Variants in CCDC66 observed in about 807,000 individuals in gnomAD.
CCDC66 encodes coiled-coil domain-containing protein 66.
A neutral mutation model predicts 128.3 loss-of-function variants in CCDC66; 133 were observed. That is an observed-to-expected ratio of 1.04 (90% CI 0.90 to 1.20). CCDC66 has a LOEUF of 1.20. Among genes scored for constraint, CCDC66 ranks in the 50% most tolerant of loss-of-function variants. The probability of loss-of-function intolerance (pLI) is 0.00; values close to 1 mark genes in which losing one functional copy is unlikely to be tolerated. For missense variants in CCDC66, 1,126 were observed against 1,075.5 expected (o/e 1.05, Z -0.66); for synonymous variants, 387 against 357.0 (o/e 1.08, Z -0.95).
At chr3:56,616,290 A>G in intron 13 of CCDC66, 1 of 385,976 alleles carries the variant, frequency 2.6e-6, no homozygotes, top group Non-Finnish European at 4.6e-6. Context: ...TCAATTCTAA[A>G]ACATTTTGAT....
At chr3:56,565,228 T>G (rs972042447) in intron 4 of CCDC66, 4 of 233,192 alleles carry the variant, frequency 1.7e-5, no homozygotes, top group Non-Finnish European at 3.7e-5. Context: ...ATCAAGATAT[T>G]TGTATTCCCC....
chr3:56,561,666 C>A (rs1194289715), intron 3 of CCDC66, among the ~76,000 whole-genome samples: 1 of 152,146 alleles, frequency 6.6e-6, no homozygotes, highest in Non-Finnish European at 1.5e-5. Flanking sequence ...CAGAGATCCT[C>A]CTCATTTCTT....
chr3:56,593,798 G>A, intron 9 of CCDC66, 57 bp downstream of exon 9: 1 of 1,595,302 alleles, frequency 6.3e-7, no homozygotes. Context: ...GCTTTAGTAA[G>A]ACTGTTGTTA....
chr3:56,573,697 C>G (rs2066941075), intron 7 of CCDC66, among the ~76,000 whole-genome samples: 2 of 151,938 alleles, frequency 1.3e-5, no homozygotes, highest in South Asian at 2.1e-4. Flanking sequence ...CTGACATCTT[C>G]TGAAGGGCTG....
In CCDC66 at chr3:56,576,787, T is replaced by C. The variant is rs2067452821; in HGVS notation, c.936+5485T>C. ...TGCATGGTGTATATGTGCATAGTAT[T>C]CCATGGTGTATGTGTATTAATCCAG... On this transcript the variant is annotated intron_variant, in intron 7 of 17. Coordinates refer to ENST00000394672, the MANE Select transcript of CCDC66 (RefSeq NM_001141947.3). Among the ~76,000 whole-genome samples the C allele has an allele frequency of 2.0e-5, 3 of 151,682 alleles. No homozygotes were observed. In the South Asian group the frequency reaches 6.2e-4, roughly 32 times the overall value.
Position 56,606,883 on chromosome 3 carries a change from A to G in CCDC66, c.1405-6706A>G, listed in dbSNP as rs150111815. On this transcript the variant is annotated intron_variant, in intron 10 of 17. Coordinates refer to ENST00000394672, the MANE Select transcript of CCDC66 (RefSeq NM_001141947.3). Reference sequence around the variant, plus strand: ...GTGGCTAGCCAATTATTCCAACACCATTTGTTGAAAAGGGTGTCCTTTCCC... The same window carrying G: ...GTGGCTAGCCAATTATTCCAACACCGTTTGTTGAAAAGGGTGTCCTTTCCC... Among the ~76,000 whole-genome samples, 152 of 151,364 alleles carry G rather than the reference A, an allele frequency of 1.0e-3. 5 individuals are homozygous for G. The highest frequency in any genetic ancestry group is 3.6e-3 in the African/African-American group (145 of 40,786).
chr3:56,567,264 C>T (rs1022456905), intron 6 of CCDC66, among the ~76,000 whole-genome samples: 1 of 152,142 alleles, frequency 6.6e-6, no homozygotes, highest in Non-Finnish European at 1.5e-5. Flanking sequence ...GTGGTGCACG[C>T]CTGTAATCCC....
chr3:56,619,279 C>G lies in CCDC66; in HGVS notation c.2387C>G (p.Ser796Ter), dbSNP rs753126773. The G allele has an allele frequency of 2.3e-5, 37 of 1,591,922 alleles. No homozygotes were observed. The highest frequency in any genetic ancestry group is 2.6e-5 in the Non-Finnish European group (31 of 1,171,192). ...IHSFSKERSP[S>*]SPVPVVKNRT... ...ATTTTTTTTTTAAATAGGTCTCCAT[C>G]ATCACCAGTTCCAGTAGTGAAAAAC... Residue 796 changes from serine to a stop codon, truncating the protein, a stop_gained, in exon 16 of 18, where the codon TCA (serine) becomes TGA (stop). Transcript: ENST00000394672. LOFTEE classifies it high-confidence loss of function.
chr3:56,621,412 G>C, intron 17 of CCDC66, 120 bp from the exon 18 acceptor site: 1 of 652,108 alleles, frequency 1.5e-6, no homozygotes, highest in Non-Finnish European at 2.5e-6. Flanking sequence ...AAAAATTTTT[G>C]AATGACAAAA....
At chr3:56,561,737 GT>G (rs1399532282) in intron 3 of CCDC66, among the ~76,000 whole-genome samples, 1 of 151,684 alleles carries the variant, frequency 6.6e-6, no homozygotes, top group Non-Finnish European at 1.5e-5. Context: ...TTTTTGTTTT[GT>G]TTTTTAGTTT....
chr3:56,614,455 T>C (rs2075249635), intron 11 of CCDC66, among the ~76,000 whole-genome samples: 2 of 152,192 alleles, frequency 1.3e-5, no homozygotes, highest in South Asian at 2.1e-4. Context: ...TTGGCTGGGA[T>C]TGATGATACA....
chr3:56,615,701 G>T (rs1297575909), intron 12 of CCDC66, among the ~76,000 whole-genome samples: 1 of 151,962 alleles, frequency 6.6e-6, no homozygotes, highest in Non-Finnish European at 1.5e-5. Flanking sequence ...TAAAATAATA[G>T]GTAAAATGTG....
Position 56,595,741 on chromosome 3 carries a change from C to T in CCDC66, c.1404+1713C>T, listed in dbSNP as rs1235128677. On this transcript the variant is annotated intron_variant, in intron 10 of 17. Coordinates refer to ENST00000394672, the MANE Select transcript of CCDC66 (RefSeq NM_001141947.3). ...GATTTCATGTTCTTTCGATAAATAT[C>T]CAGTACTGGGAATGCTGGATCATAT... Among the ~76,000 whole-genome samples the T allele has an allele frequency of 3.9e-5, 6 of 152,180 alleles. No individual in the cohort carries two copies. In the East Asian group the frequency reaches 1.2e-3, roughly 29 times the overall value.
In CCDC66 at chr3:56,560,380, T is replaced by TA. The variant is rs1236213374; in HGVS notation, c.102+787dup. 2.0e-5 allele frequency among the ~76,000 whole-genome samples: 3 copies of TA among 152,324 alleles called. No homozygotes were observed. In the East Asian group the frequency reaches 5.8e-4, roughly 29 times the overall value. ...GCCACCATGCCCAGCTAATTTTTTT[T>TA]ATTTTTAGTAGAGATGGGATCTCAC... On this transcript the variant is annotated intron_variant, in intron 3 of 17. Transcript: ENST00000394672.
chr3:56,582,498 T>C (rs2068574917), intron 7 of CCDC66, among the ~76,000 whole-genome samples: 1 of 152,024 alleles, frequency 6.6e-6, no homozygotes, highest in South Asian at 2.1e-4. Flanking sequence ...AGCTGCAGAC[T>C]GGAGCTGTTG....
In CCDC66 at chr3:56,601,923, A is replaced by G. The variant is rs374201688; in HGVS notation, c.1404+7895A>G. On this transcript the variant is annotated intron_variant, in intron 10 of 17. Transcript: ENST00000394672. ...AATCATGTCATCTGCAAACAGAGAC[A>G]ACTTAACTTCCTCTTTTCCTATTTG... Among the ~76,000 whole-genome samples, 3 of 152,110 alleles carry G rather than the reference A, an allele frequency of 2.0e-5. No homozygotes were observed. In the East Asian group the frequency reaches 5.8e-4, roughly 29 times the overall value.
intron 6 of CCDC66, among the ~76,000 whole-genome samples, chr3:56,568,390 T>G (rs1488147288): frequency 6.6e-6 from 1 of 152,226 alleles, no homozygotes; most frequent in Non-Finnish European, 1.5e-5. Flanking sequence ...TCCATGGATA[T>G]GGAGGGCCTA....
In CCDC66 at chr3:56,615,984, G is replaced by A. The variant is rs4681904; in HGVS notation, c.1774G>A (p.Glu592Lys). 67,592 of 1,590,914 alleles carry A rather than the reference G, an allele frequency of 0.042. 1,708 individuals carry two copies. Among genetic ancestry groups the A allele is most frequent in the Middle Eastern group, 0.065 (387 of 5,938 alleles). ...TTCAAATTCAAGACATGATTCTGATGAAATCAGTGGTAAAATGAATACATA... is the reference window on the plus strand; with the variant it reads ...TTCAAATTCAAGACATGATTCTGATAAAATCAGTGGTAAAATGAATACATA... ...NISNSRHDSDEISGKMNTYMN... is the reference protein window; with the variant it reads ...NISNSRHDSDKISGKMNTYMN... Residue 592 changes from glutamate (E) to lysine (K), a missense_variant, in exon 13 of 18, where the codon GAA becomes AAA. Physicochemically the swap from Glu to Lys is moderately conservative, Grantham distance 56. Coordinates refer to ENST00000394672, the MANE Select transcript of CCDC66 (RefSeq NM_001141947.3).
At chr3:56,621,406 AT>A in intron 17 of CCDC66, 125 bp from the exon 18 acceptor site, 1 of 595,954 alleles carries the variant, frequency 1.7e-6, no homozygotes, top group Non-Finnish European at 2.9e-6. Context: ...TTCTGAAAAA[AT>A]TTTTGAATGA....
Sources: allele counts gnomAD v4.1 joint callset (sites outside exome capture counted in the v4.1 genomes callset), GRCh38; gene constraint gnomAD v4.1.1; transcripts MANE v1.5; gene names NCBI Gene and HGNC (gene_info 2026-07-23, HGNC 2026-07-21).